The following VPS13B variants were observed in gnomAD, a reference collection of about 807,000 sequenced individuals.
VPS13B encodes the protein vacuolar protein sorting 13 homolog B.
VPS13B carries 285 observed loss-of-function variants against 426.4 expected under a neutral mutation model. The ratio of observed to expected loss-of-function variants is 0.67; its 90% CI spans 0.61 to 0.74. VPS13B has a LOEUF of 0.74. VPS13B is among the 30% of genes least tolerant of loss of function. The pLI, the probability that VPS13B is intolerant of heterozygous loss-of-function variation, is 0.00. For missense variants in VPS13B, 4,537 were observed against 4,782.6 expected, an observed-to-expected ratio of 0.95 and a Z score of 1.51; for synonymous variants, 1,676 against 1,676.4, an observed-to-expected ratio of 1.00 and a Z score of 0.01.
At chr8:99,525,515 C>T (rs1822598044) in intron 30 of VPS13B, among the ~76,000 whole-genome samples, 1 of 152,132 alleles carries the variant, frequency 6.6e-6, no homozygotes, top group Non-Finnish European at 1.5e-5. Flanking sequence ...TACAATGACC[C>T]TAATTGCAGC....
In VPS13B at chr8:99,859,582, CTTTG is replaced by C. The variant is rs147242878; in HGVS notation, c.11044+107_11044+110del. The C allele has an allele frequency of 3.4e-3, 5,029 of 1,467,234 alleles. 151 individuals are homozygous for C. In the African/African-American group the frequency reaches 0.062, roughly 18 times the overall value. The allele number at this position is 1,467,234 out of a possible 1,614,324, so 90.9% of individuals were successfully genotyped here. On this transcript the variant is annotated intron_variant, in intron 57 of 61. Coordinates refer to ENST00000357162, the MANE Select transcript of VPS13B (RefSeq NM_152564.5). ...TTAAATGCATTCAGATTGCCTCTAG[CTTTG>C]TTTGGCCTTTTAGCTTGCAGTGAGA...
At chr8:99,185,030 A>T (rs182826262) in intron 16 of VPS13B, among the ~76,000 whole-genome samples, 6 of 152,212 alleles carry the variant, frequency 3.9e-5, no homozygotes, top group African/African-American at 1.4e-4. Context: ...TGGATGTTGA[A>T]AAAGATACTC....
At chr8:99,158,276 TG>T (rs1213422556) in intron 15 of VPS13B, among the ~76,000 whole-genome samples, 1 of 152,200 alleles carries the variant, frequency 6.6e-6, no homozygotes. Flanking sequence ...GGCTCATGCC[TG>T]TAATCCCAGC....
chr8:99,450,875 G>A (rs1818163825), intron 23 of VPS13B, among the ~76,000 whole-genome samples: 1 of 151,714 alleles, frequency 6.6e-6, no homozygotes, highest in Non-Finnish European at 1.5e-5. Context: ...ATTCATGATG[G>A]AATAGACCAA....
chr8:99,637,921 G>A (rs999416459), intron 33 of VPS13B, among the ~76,000 whole-genome samples: 3 of 151,984 alleles, frequency 2.0e-5, no homozygotes, highest in Middle Eastern at 3.2e-3. Flanking sequence ...TCAACCTAAA[G>A]GATTTTTTAG....
intron 19 of VPS13B, among the ~76,000 whole-genome samples, chr8:99,361,194 A>T (rs1037606001): frequency 1.3e-5 from 2 of 152,246 alleles, no homozygotes; most frequent in Non-Finnish European, 2.9e-5. Context: ...GAGAATCAGA[A>T]TGATCTTATC....
rs771819383 is a variant in VPS13B, at chr8:99,868,301, G to C, written c.11228G>C (p.Gly3743Ala). The change falls in exon 59 of 62, where the codon GGT becomes GCT. Residue 3743 changes from glycine (G) to alanine (A), a missense_variant. By Grantham distance (60) the Gly-to-Ala change is moderately conservative. Around this residue, in one of 2 missense-constraint regions of VPS13B, gnomAD observed 4,311 missense variants for 4,474.3 expected, o/e 0.96. Coordinates refer to ENST00000357162, the MANE Select transcript of VPS13B (RefSeq NM_152564.5). ...TTTGTTATTCCAGGTGCAATTGCTG[G>C]TATAGTTGATCAGCCGATGCAGAAC... ...LGISLLGAIAGIVDQPMQNFQ... is the reference protein window; with the variant it reads ...LGISLLGAIAAIVDQPMQNFQ... 2 of 1,614,138 alleles carry C rather than the reference G, an allele frequency of 1.2e-6. No individual in the cohort carries two copies. The highest frequency in any genetic ancestry group is 1.7e-6 in the Non-Finnish European group (2 of 1,180,038).
At chr8:99,515,615 T>C (rs1455984349) in intron 29 of VPS13B, among the ~76,000 whole-genome samples, 1 of 152,202 alleles carries the variant, frequency 6.6e-6, no homozygotes, top group Non-Finnish European at 1.5e-5. Context: ...CTGTGGACTT[T>C]AAGTGGAATC....
Position 99,177,194 on chromosome 8 carries a change from G to T in VPS13B, c.2333+7031G>T, listed in dbSNP as rs1812679863. Among the ~76,000 whole-genome samples, 6 of 152,146 alleles carry T rather than the reference G, an allele frequency of 3.9e-5. No homozygotes were observed. The South Asian group carries it at 1.2e-3, about 32-fold the overall frequency. On this transcript the variant is annotated intron_variant, in intron 16 of 61. Transcript: ENST00000357162. ...ATGGACATTGTACAGTCTGGCAGAA[G>T]GGTTCCAGTTATTCAAGATTGCCTT...
At chr8:99,146,781 C>G (rs1190114594) in intron 13 of VPS13B, among the ~76,000 whole-genome samples, 1 of 152,104 alleles carries the variant, frequency 6.6e-6, no homozygotes, top group East Asian at 1.9e-4. Context: ...CTATGTTGCC[C>G]AGGCTTATCT....
chr8:99,080,778 C>T (rs1374586846), intron 3 of VPS13B, among the ~76,000 whole-genome samples: 1 of 152,098 alleles, frequency 6.6e-6, no homozygotes, highest in Non-Finnish European at 1.5e-5. Flanking sequence ...TGTTGATTTC[C>T]TTAGCTGTCT....
chr8:99,636,936 C>T (rs1202113020), intron 33 of VPS13B, among the ~76,000 whole-genome samples: 3 of 151,984 alleles, frequency 2.0e-5, no homozygotes, highest in Non-Finnish European at 4.4e-5. Context: ...CATGTTAATG[C>T]ACACCAGTAG....
At chr8:99,553,676 A>G (rs982498116) in intron 30 of VPS13B, among the ~76,000 whole-genome samples, 95 of 152,232 alleles carry the variant, frequency 6.2e-4, no homozygotes, top group African/African-American at 2.1e-3. Context: ...ACTAAAACTC[A>G]CATAAATCAG....
intron 3 of VPS13B, among the ~76,000 whole-genome samples, chr8:99,091,261 A>G (rs1238117386): frequency 1.3e-5 from 2 of 152,164 alleles, no homozygotes; most frequent in East Asian, 1.9e-4. Flanking sequence ...AAAAGCACAT[A>G]GAAGTGTTCA....
chr8:99,208,821 A>G (rs529630706), intron 17 of VPS13B, among the ~76,000 whole-genome samples: 57 of 152,230 alleles, frequency 3.7e-4, no homozygotes, highest in Non-Finnish European at 6.6e-4. Flanking sequence ...TTTGTAGTCC[A>G]TATTTTCATT....
intron 30 of VPS13B, among the ~76,000 whole-genome samples, chr8:99,529,287 T>C (rs1440343268): frequency 6.6e-6 from 1 of 152,174 alleles, no homozygotes; most frequent in Non-Finnish European, 1.5e-5. Flanking sequence ...TCTTAAGTAA[T>C]GGAATTGTAC....
At chr8:99,344,291 A>G (rs937767425) in intron 19 of VPS13B, among the ~76,000 whole-genome samples, 3 of 152,228 alleles carry the variant, frequency 2.0e-5, no homozygotes, top group Non-Finnish European at 4.4e-5. Flanking sequence ...CTCAAACCAT[A>G]TACAAAAATC....
At chr8:99,320,204 G>T (rs530636907) in intron 19 of VPS13B, among the ~76,000 whole-genome samples, 1 of 152,238 alleles carries the variant, frequency 6.6e-6, no homozygotes, top group South Asian at 2.1e-4. Flanking sequence ...ATTTGAAAGG[G>T]ATTTATGGGA....
chr8:99,192,157 A>G (rs992787140), intron 16 of VPS13B, among the ~76,000 whole-genome samples: 1 of 152,150 alleles, frequency 6.6e-6, no homozygotes, highest in Non-Finnish European at 1.5e-5. Context: ...AGGCTTTGTT[A>G]TTTAGAAAAT....
Sources: gnomAD v4.1 joint callset for allele counts (sites outside exome capture counted in the v4.1 genomes callset) on GRCh38, gnomAD v4.1.1 for gene constraint, gnomAD v4.1.1 regional missense constraint, MANE v1.5 for transcripts, NCBI Gene and HGNC (gene_info 2026-07-23, HGNC 2026-07-21) for gene names.